CDC14A: variants seen among roughly 807,000 people sequenced by gnomAD.
CDC14A encodes cell division cycle 14A, also known as dual specificity protein phosphatase CDC14A.
In CDC14A, 53 loss-of-function variants were observed where a neutral mutation model predicts 74.4. That is an observed-to-expected ratio of 0.71 (90% CI 0.57 to 0.89). CDC14A has a LOEUF of 0.89. Among genes scored for constraint, CDC14A ranks in the 40% least tolerant of loss-of-function variants. The probability of loss-of-function intolerance (pLI) is 0.00; values close to 1 mark genes in which losing one functional copy is unlikely to be tolerated. For missense variants in CDC14A, 646 were observed against 713.7 expected, an observed-to-expected ratio of 0.91 and a Z score of 1.08; for synonymous variants, 247 against 258.4, an observed-to-expected ratio of 0.96 and a Z score of 0.43.
At chr1:100,364,479 T>G (rs550853986) in intron 2 of CDC14A, among the ~76,000 whole-genome samples, 3 of 143,006 alleles carry the variant, frequency 2.1e-5, no homozygotes, top group Admixed American at 6.7e-5. Flanking sequence ...CCCAAAGTGC[T>G]GGGATTACAG....
intron 10 of CDC14A, 59 bp downstream of exon 10, chr1:100,468,153 G>T (rs1347466419): frequency 1.9e-6 from 3 of 1,590,716 alleles, no homozygotes; most frequent in Non-Finnish European, 2.6e-6. Flanking sequence ...TCTACCTCTT[G>T]TTCCCCTGGT....
At chr1:100,483,749 T>C (rs537496128) in intron 10 of CDC14A, among the ~76,000 whole-genome samples, 2 of 152,148 alleles carry the variant, frequency 1.3e-5, no homozygotes, top group Non-Finnish European at 2.9e-5. Context: ...CTAAGGACAA[T>C]CTAATTGAGG....
At chr1:100,420,082 A>ATATATATATATATATATATATAT (rs58124351) in intron 4 of CDC14A, among the ~76,000 whole-genome samples, 4 of 105,544 alleles carry the variant, frequency 3.8e-5, no homozygotes, top group East Asian at 3.0e-4. Context: ...ATATATATAT[A>ATATATATATATATATATATATAT]GTGTGTATGT....
chr1:100,408,277 A>G (rs1049701274), intron 4 of CDC14A, among the ~76,000 whole-genome samples: 1 of 152,226 alleles, frequency 6.6e-6, no homozygotes, highest in Non-Finnish European at 1.5e-5. Flanking sequence ...ATAGTATTCC[A>G]TGGTATATAT....
intron 10 of CDC14A, among the ~76,000 whole-genome samples, chr1:100,483,943 A>C (rs1010502508): frequency 1.3e-5 from 2 of 152,166 alleles, no homozygotes; most frequent in Non-Finnish European, 2.9e-5. Context: ...AGGCATATCA[A>C]ATTGCTATTT....
intron 4 of CDC14A, among the ~76,000 whole-genome samples, chr1:100,421,875 A>G (rs1310405457): frequency 6.6e-6 from 1 of 152,208 alleles, no homozygotes; most frequent in Non-Finnish European, 1.5e-5. Context: ...ATAAGCAGAC[A>G]TGTCTAAGAA....
At position 100,437,616 on chromosome 1, in the gene CDC14A, T is replaced by A. The variant is rs183790142; in HGVS notation, c.390-2316T>A. 4.4e-3 allele frequency among the ~76,000 whole-genome samples: 672 copies of A among 152,338 alleles called. 3 individuals carry two copies. The highest frequency in any genetic ancestry group is 0.015 in the African/African-American group (624 of 41,572). ...TAGTTCTGTCGGATGGCATGTTAACTTTCCCTCCCAACTTTGGAGGCCTGC... is the reference window on the plus strand; with the variant it reads ...TAGTTCTGTCGGATGGCATGTTAACATTCCCTCCCAACTTTGGAGGCCTGC... On this transcript the variant is annotated intron_variant, in intron 5 of 15. Transcript: ENST00000336454.
At chr1:100,475,902 C>T (rs1172509414) in intron 10 of CDC14A, among the ~76,000 whole-genome samples, 1 of 152,168 alleles carries the variant, frequency 6.6e-6, no homozygotes, top group Non-Finnish European at 1.5e-5. Flanking sequence ...CATTATCTGA[C>T]TCCCAACTTA....
At chr1:100,366,495 A>T (rs1653631872) in intron 2 of CDC14A, among the ~76,000 whole-genome samples, 1 of 152,244 alleles carries the variant, frequency 6.6e-6, no homozygotes, top group Non-Finnish European at 1.5e-5. Context: ...ATGGTACATC[A>T]TAAACTTCAT....
At position 100,405,383 on chromosome 1, in the gene CDC14A, T is replaced by A. The variant is rs146175051; in HGVS notation, c.309+14559T>A. ...AAAGGGATAACTCTTACATATTTTT[T>A]TTTCTTCAACTTTTATTAAGTTCTG... On this transcript the variant is annotated intron_variant, in intron 4 of 15. Coordinates refer to ENST00000336454, the MANE Select transcript of CDC14A (RefSeq NM_003672.4). Among the ~76,000 whole-genome samples the A allele has an allele frequency of 7.6e-3, 1,164 of 152,346 alleles. 14 individuals carry two copies. Among genetic ancestry groups the A allele is most frequent in the African/African-American group, 0.027 (1,113 of 41,578 alleles).
At chr1:100,470,653 C>A (rs912765416) in intron 10 of CDC14A, among the ~76,000 whole-genome samples, 1 of 151,988 alleles carries the variant, frequency 6.6e-6, no homozygotes, top group African/African-American at 2.4e-5. Flanking sequence ...TGGGCAAAAG[C>A]CTTGGCCAGA....
At chr1:100,489,401 A>G (rs191232299) in intron 11 of CDC14A, among the ~76,000 whole-genome samples, 10 of 152,162 alleles carry the variant, frequency 6.6e-5, no homozygotes, top group Admixed American at 5.2e-4. Flanking sequence ...TCTTTTCTTA[A>G]TGAGACTTTC....
In CDC14A at chr1:100,470,513, G is replaced by T. The variant is rs1412661703; in HGVS notation, c.977+2419G>T. Among the ~76,000 whole-genome samples the T allele has an allele frequency of 3.3e-5, 5 of 152,078 alleles. No individual in the cohort carries two copies. In the East Asian group the frequency reaches 9.6e-4, roughly 29 times the overall value. ...AGTAAGATTGCAGGATACAAAGTCAGTTTTCAGAAATTTTAGCAAAATTTT... is the reference window on the plus strand; with the variant it reads ...AGTAAGATTGCAGGATACAAAGTCATTTTTCAGAAATTTTAGCAAAATTTT... On this transcript the variant is annotated intron_variant, in intron 10 of 15. Transcript: ENST00000336454.
rs139498320 is a variant in CDC14A, at chr1:100,504,251, A to G, written c.1755+4989A>G. On this transcript the variant is annotated intron_variant, in intron 15 of 15. Coordinates refer to ENST00000336454, the MANE Select transcript of CDC14A (RefSeq NM_003672.4). ...AATAAGCTTTGTTATGCACTCTTCT[A>G]TCTTAATCTTCAAACATTTGCAGGG... Among the ~76,000 whole-genome samples, 990 of 152,338 alleles carry G rather than the reference A, an allele frequency of 6.5e-3. 10 individuals carry two copies. The highest frequency in any genetic ancestry group is 0.023 in the African/African-American group (948 of 41,574).
intron 5 of CDC14A, among the ~76,000 whole-genome samples, chr1:100,429,291 T>C (rs1045166302): frequency 7.2e-5 from 11 of 151,786 alleles, no homozygotes. Context: ...TGACAATAAA[T>C]AACATCCAGG....
chr1:100,412,712 ATATATATATATTTTATAT>A (rs1660922876), intron 4 of CDC14A, among the ~76,000 whole-genome samples: 1 of 102,464 alleles, frequency 9.8e-6, no homozygotes, highest in African/African-American at 6.1e-5. Context: ...ATATATATAT[ATATATATATATTTTATAT>A]ATATATATTT....
intron 5 of CDC14A, among the ~76,000 whole-genome samples, chr1:100,424,891 G>C (rs1031765217): frequency 2.0e-5 from 3 of 152,134 alleles, no homozygotes; most frequent in Non-Finnish European, 4.4e-5. Context: ...AAGGGGACTG[G>C]GTGCAGTAGC....
chr1:100,512,053 A>C (rs1649824190), intron 15 of CDC14A, among the ~76,000 whole-genome samples: 2 of 151,942 alleles, frequency 1.3e-5, no homozygotes, highest in Non-Finnish European at 2.9e-5. Flanking sequence ...TAGCACTTGC[A>C]GTCCACTCTG....
intron 10 of CDC14A, among the ~76,000 whole-genome samples, chr1:100,470,569 T>C (rs1056820050): frequency 2.0e-5 from 3 of 152,156 alleles, no homozygotes; most frequent in African/African-American, 7.2e-5. Flanking sequence ...ACACACAGTA[T>C]ATATATCTGA....
Sources: gnomAD v4.1 joint callset for allele counts (sites outside exome capture counted in the v4.1 genomes callset) on GRCh38, gnomAD v4.1.1 for gene constraint, MANE v1.5 for transcripts, NCBI Gene and HGNC (gene_info 2026-07-23, HGNC 2026-07-21) for gene names.